The following RTN1 variants were observed in gnomAD, a reference collection of about 807,000 sequenced individuals.
RTN1 encodes the protein reticulon-1.
In RTN1, 25 loss-of-function variants were observed where a neutral mutation model predicts 65.5. The observed-to-expected ratio is 0.38, with a 90% confidence interval of 0.28 to 0.53. The LOEUF is 0.53. RTN1 is among the 20% of genes least tolerant of loss of function. The pLI is 0.79. For missense variants in RTN1, 983 were observed against 1,025.4 expected (o/e 0.96, Z 0.57); for synonymous variants, 471 against 447.6 (o/e 1.05, Z -0.66).
At chr14:59,812,799 T>C (rs1886752496) in intron 1 of RTN1, among the ~76,000 whole-genome samples, 2 of 152,218 alleles carry the variant, frequency 1.3e-5, no homozygotes, top group African/African-American at 4.8e-5. Flanking sequence ...GCAGAACTTA[T>C]TGCACTTAAA....
rs770037504 is a variant in RTN1, at chr14:59,596,709, T to C, written c.*36A>G. 1.3e-6 allele frequency: 2 copies of C among 1,528,742 alleles called. No individual in the cohort carries two copies. Among genetic ancestry groups the C allele is most frequent in the Middle Eastern group, 1.7e-4 (1 of 5,898 alleles). 94.7% of individuals were successfully genotyped at this position (1,528,742 alleles called of 1,614,324 possible). ...AAGAGAGCTGTTACCACTCCAGACA[T>C]TCCTGTTTGTGTCCAGTCCCCGGTG... is the stretch of plus-strand genomic sequence containing the variant. On this transcript the variant is annotated 3_prime_UTR_variant, in exon 9 of 9. Transcript: ENST00000267484.
At chr14:59,751,554 A>C (rs1209499770) in intron 1 of RTN1, among the ~76,000 whole-genome samples, 1 of 152,152 alleles carries the variant, frequency 6.6e-6, no homozygotes, top group African/African-American at 2.4e-5. Flanking sequence ...TGAGGAGAGA[A>C]GGGGTTTGTC....
At chr14:59,684,618 A>T (rs2140223868) in intron 3 of RTN1, among the ~76,000 whole-genome samples, 1 of 152,190 alleles carries the variant, frequency 6.6e-6, no homozygotes, top group East Asian at 1.9e-4. Context: ...TATAGGTCAT[A>T]TTCAGCTACT....
intron 3 of RTN1, among the ~76,000 whole-genome samples, chr14:59,659,968 C>T (rs980778154): frequency 1.3e-5 from 2 of 152,024 alleles, no homozygotes; most frequent in Non-Finnish European, 2.9e-5. Flanking sequence ...GAGTCGAAAC[C>T]CATCACTGTG....
At chr14:59,603,965 A>C (rs944778961) in intron 5 of RTN1, 44 bp from the exon 6 acceptor site, 9 of 1,506,178 alleles carry the variant, frequency 6.0e-6, no homozygotes, top group Non-Finnish European at 8.3e-6. Context: ...ACCCTTCCTG[A>C]CAAGTTAGAG....
At chr14:59,640,537 G>C (rs1403239433) in intron 3 of RTN1, among the ~76,000 whole-genome samples, 1 of 152,054 alleles carries the variant, frequency 6.6e-6, no homozygotes, top group Admixed American at 6.6e-5. Flanking sequence ...GGATGGTCTC[G>C]ATCTCTTGAC....
In RTN1 at chr14:59,750,023, T is replaced by C. The variant is rs1470338306; in HGVS notation, c.242-3542A>G. Among the ~76,000 whole-genome samples, 45 of 80,256 alleles carry C rather than the reference T, an allele frequency of 5.6e-4. 1 individual carries two copies. The highest frequency in any genetic ancestry group is 5.6e-3 in the East Asian group (18 of 3,214). The allele number at this position is 80,256 out of a possible 152,430, so 52.7% of individuals were successfully genotyped here. A position where few individuals can be genotyped will look rare whatever the true frequency, so the allele number is the denominator to read the frequency against. On this transcript the variant is annotated intron_variant, in intron 1 of 8. Transcript: ENST00000267484. ...TATTATATACATATATATTATATATTATATTATATACATATATTATATATT... is the reference window on the plus strand; with the variant it reads ...TATTATATACATATATATTATATATCATATTATATACATATATTATATATT...
chr14:59,780,330 G>C (rs1886130643), intron 1 of RTN1, among the ~76,000 whole-genome samples: 3 of 152,126 alleles, frequency 2.0e-5, no homozygotes, highest in Non-Finnish European at 4.4e-5. Flanking sequence ...TGTAAACATA[G>C]ACATAAAAGC....
At chr14:59,740,885 A>G (rs1885102358) in intron 2 of RTN1, among the ~76,000 whole-genome samples, 1 of 152,232 alleles carries the variant, frequency 6.6e-6, no homozygotes, top group Non-Finnish European at 1.5e-5. Context: ...GCAAAGCTAG[A>G]AAGAGTCACC....
At chr14:59,695,379 G>A (rs1884042010) in intron 3 of RTN1, among the ~76,000 whole-genome samples, 1 of 152,220 alleles carries the variant, frequency 6.6e-6, no homozygotes, top group African/African-American at 2.4e-5. Flanking sequence ...CTAATGGGAT[G>A]TGAGGGAACA....
intron 3 of RTN1, among the ~76,000 whole-genome samples, chr14:59,686,146 T>C (rs1475259912): frequency 6.6e-6 from 1 of 152,138 alleles, no homozygotes; most frequent in Admixed American, 6.5e-5. Flanking sequence ...TTGTTATCTC[T>C]CACCATATAC....
At chr14:59,654,595 C>T (rs1026498694) in intron 3 of RTN1, among the ~76,000 whole-genome samples, 3 of 149,810 alleles carry the variant, frequency 2.0e-5, no homozygotes, top group African/African-American at 7.4e-5. Flanking sequence ...AACTAACAAA[C>T]TGAAGCCAGC....
chr14:59,791,616 G>A (rs1036009569), intron 1 of RTN1, among the ~76,000 whole-genome samples: 30 of 152,128 alleles, frequency 2.0e-4, no homozygotes, highest in African/African-American at 6.3e-4. Flanking sequence ...GCAGACAGAG[G>A]CTGAAGATGT....
chr14:59,623,926 C>T (rs1882322954), intron 3 of RTN1, among the ~76,000 whole-genome samples: 1 of 152,120 alleles, frequency 6.6e-6, no homozygotes, highest in South Asian at 2.1e-4. Flanking sequence ...TGAAATTTGC[C>T]AATCTGCAGT....
At chr14:59,635,146 G>GA (rs745955848) in intron 3 of RTN1, among the ~76,000 whole-genome samples, 13 of 152,164 alleles carry the variant, frequency 8.5e-5, no homozygotes, top group Non-Finnish European at 1.3e-4. Context: ...CAGACAAGGA[G>GA]AAAATCTTAA....
intron 1 of RTN1, among the ~76,000 whole-genome samples, chr14:59,857,258 A>G (rs1887625105): frequency 6.6e-6 from 1 of 152,108 alleles, no homozygotes; most frequent in African/African-American, 2.4e-5. Context: ...TGTCCTTTCC[A>G]TACTACATAA....
chr14:59,743,054 C>T (rs1885144734), intron 2 of RTN1, among the ~76,000 whole-genome samples: 1 of 152,082 alleles, frequency 6.6e-6, no homozygotes, highest in Non-Finnish European at 1.5e-5. Context: ...GTGTAATGGG[C>T]CATTTTCTCT....
intron 2 of RTN1, among the ~76,000 whole-genome samples, chr14:59,738,535 G>T (rs1885047317): frequency 6.6e-6 from 1 of 152,178 alleles, no homozygotes; most frequent in African/African-American, 2.4e-5. Flanking sequence ...AAAAAGGAAT[G>T]CTTTTACATT....
Position 59,816,236 on chromosome 14 carries a change from C to A in RTN1, c.241+54154G>T, listed in dbSNP as rs866601099. 6.6e-6 allele frequency among the ~76,000 whole-genome samples: 1 copy of A among 151,764 alleles called. No individual in the cohort carries two copies. The highest frequency in any genetic ancestry group is 1.5e-5 in the Non-Finnish European group (1 of 67,952). On this transcript the variant is annotated intron_variant, in intron 1 of 8. Transcript: ENST00000267484. The surrounding 1 kb of genome is among the most constrained non-coding windows in gnomAD (Gnocchi z 4.3). ...GCTTGCGTGCGTGCACACACACAGA[C>A]ACACACACACACTAGTTACTCAGGT...
Sources: gnomAD v4.1 joint callset for allele counts (sites outside exome capture counted in the v4.1 genomes callset) on GRCh38, gnomAD v4.1.1 for gene constraint, Gnocchi (gnomAD v3.1) non-coding constraint, MANE v1.5 for transcripts, NCBI Gene and HGNC (gene_info 2026-07-23, HGNC 2026-07-21) for gene names.